Variants in ALK observed in about 807,000 individuals in gnomAD.
The protein encoded by ALK is ALK tyrosine kinase receptor.
A neutral mutation model predicts 163.1 loss-of-function variants in ALK; 74 were observed. The ratio of observed to expected loss-of-function variants is 0.45; its 90% CI spans 0.38 to 0.55. The LOEUF is 0.55. Ranked by LOEUF, ALK falls within the 20% of genes least tolerant of loss-of-function variation. ALK has a pLI of 0.00. For synonymous variants in ALK, 960 were observed against 843.2 expected (o/e 1.14, Z -2.40); for missense variants, 2,063 against 2,105.3 (o/e 0.98, Z 0.39).
chr2:29,920,222 G>C lies in ALK; in HGVS notation c.438C>G (p.Gly146=). The C allele has an allele frequency of 1.2e-6, 2 of 1,612,366 alleles. No homozygotes were observed. Among genetic ancestry groups the C allele is most frequent in the Non-Finnish European group, 1.7e-6 (2 of 1,179,678 alleles). ...RRAKQLVLEL[G]EEAILEGCVG... ...CGCAACCCTCCAAGATCGCCTCCTC[G>C]CCCAGCTCCAGCACCAACTGCTTGG... Residue 146 remains glycine (G), a synonymous_variant, in exon 1 of 29, where the codon GGC becomes GGG. Coordinates refer to ENST00000389048, the MANE Select transcript of ALK (RefSeq NM_004304.5).
In ALK at chr2:29,732,717, A is replaced by G. The variant is rs1358897041; in HGVS notation, c.668-15020T>C. Among the ~76,000 whole-genome samples, 4 of 152,256 alleles carry G rather than the reference A, an allele frequency of 2.6e-5. No homozygotes were observed. In the East Asian group the frequency reaches 7.7e-4, roughly 29 times the overall value. On this transcript the variant is annotated intron_variant, in intron 1 of 28. Transcript: ENST00000389048. The stretch of plus-strand genomic sequence containing the variant: ...AATGGGATTAGTGCCCACAGAAAAG[A>G]GGCCCAAAAGAGAACCCTCACCCCT...
At chr2:29,545,934 G>T (rs954339093) in intron 3 of ALK, among the ~76,000 whole-genome samples, 1 of 152,110 alleles carries the variant, frequency 6.6e-6, no homozygotes, top group Non-Finnish European at 1.5e-5. Context: ...AAACTGAAAA[G>T]GCAAAACAAC....
chr2:29,772,538 T>G (rs1681055505), intron 1 of ALK, among the ~76,000 whole-genome samples: 1 of 152,184 alleles, frequency 6.6e-6, no homozygotes, highest in African/African-American at 2.4e-5. Context: ...CCTCCCACAC[T>G]TCCTCACCAT....
chr2:29,805,121 A>G (rs765839355), intron 1 of ALK, among the ~76,000 whole-genome samples: 16 of 152,108 alleles, frequency 1.1e-4, no homozygotes, highest in Non-Finnish European at 1.9e-4. Flanking sequence ...CCCACTGTGA[A>G]ACAACTCATC....
At chr2:29,829,342 G>A (rs182365934) in intron 1 of ALK, among the ~76,000 whole-genome samples, 2 of 151,388 alleles carry the variant, frequency 1.3e-5, no homozygotes, top group African/African-American at 4.8e-5. Flanking sequence ...AGATGAAGAT[G>A]GTTAAACTGA....
At chr2:29,575,033 G>A (rs1349864274) in intron 3 of ALK, among the ~76,000 whole-genome samples, 2 of 152,174 alleles carry the variant, frequency 1.3e-5, no homozygotes, top group Non-Finnish European at 2.9e-5. Context: ...GTTTCCTCCT[G>A]CAAGTCCCTG....
chr2:29,218,941 C>CTTGA (rs1669711549), intron 23 of ALK, among the ~76,000 whole-genome samples: 1 of 152,076 alleles, frequency 6.6e-6, no homozygotes, highest in South Asian at 2.1e-4. Context: ...ACAACCTCAT[C>CTTGA]TTGATAGTTT....
chr2:29,858,156 C>G (rs758050426), intron 1 of ALK, among the ~76,000 whole-genome samples: 1 of 152,134 alleles, frequency 6.6e-6, no homozygotes, highest in Non-Finnish European at 1.5e-5. Context: ...GGATTCAGAA[C>G]AGTTCCGTCA....
At chr2:29,414,751 G>A (rs1235416356) in intron 4 of ALK, among the ~76,000 whole-genome samples, 1 of 152,192 alleles carries the variant, frequency 6.6e-6, no homozygotes, top group East Asian at 1.9e-4. Context: ...GACAGTTCCT[G>A]CATGCAAACG....
At chr2:29,533,188 G>A (rs1003327825) in intron 3 of ALK, among the ~76,000 whole-genome samples, 6 of 152,200 alleles carry the variant, frequency 3.9e-5, no homozygotes, top group Admixed American at 3.9e-4. Flanking sequence ...GATCGAGAAC[G>A]TGAACCCTCT....
chr2:29,197,757 AC>A, intron 26 of ALK, 81 bp from the exon 27 acceptor site: 1 of 1,222,768 alleles, frequency 8.2e-7, no homozygotes, highest in African/African-American at 1.5e-5. Flanking sequence ...ACACAGACAT[AC>A]AATTTCAACC....
At chr2:29,799,559 C>T (rs1380850761) in intron 1 of ALK, among the ~76,000 whole-genome samples, 2 of 152,038 alleles carry the variant, frequency 1.3e-5, no homozygotes, top group African/African-American at 4.8e-5. Context: ...GTGGCACACA[C>T]CTATAGTCCT....
At chr2:29,900,952 A>G (rs1667397469) in intron 1 of ALK, among the ~76,000 whole-genome samples, 1 of 151,908 alleles carries the variant, frequency 6.6e-6, no homozygotes, top group South Asian at 2.1e-4. Flanking sequence ...CCAGAAAATC[A>G]CAGCTGAATG....
At chr2:29,341,413 T>A (rs937507311) in intron 5 of ALK, among the ~76,000 whole-genome samples, 1 of 152,186 alleles carries the variant, frequency 6.6e-6, no homozygotes, top group South Asian at 2.1e-4. Context: ...AGGAGAGTGA[T>A]GGCTGATTCA....
At chr2:29,797,671 T>G (rs548057220) in intron 1 of ALK, among the ~76,000 whole-genome samples, 1 of 152,230 alleles carries the variant, frequency 6.6e-6, no homozygotes, top group Non-Finnish European at 1.5e-5. Context: ...GAACTGATAT[T>G]CTGACTAGTT....
intron 3 of ALK, among the ~76,000 whole-genome samples, chr2:29,571,602 C>CTTTTTTTTTTTTTTTATTTTTTTTTT (rs1674371738): frequency 1.5e-5 from 1 of 68,516 alleles, no homozygotes; most frequent in African/African-American, 7.3e-5. Context: ...TGGCTCATAT[C>CTTTTTTTTTTTTTTTATTTTTTTTTT]TTTTTTTTTT....
At chr2:29,905,891 C>A (rs747736666) in intron 1 of ALK, among the ~76,000 whole-genome samples, 10 of 152,174 alleles carry the variant, frequency 6.6e-5, no homozygotes, top group Non-Finnish European at 7.3e-5. Flanking sequence ...CGCTGTCTGG[C>A]CCCACTCCTG....
intron 1 of ALK, among the ~76,000 whole-genome samples, chr2:29,772,150 G>T (rs560728483): frequency 6.6e-6 from 1 of 152,312 alleles, no homozygotes; most frequent in Admixed American, 6.5e-5. Flanking sequence ...AGATTGGTGG[G>T]ATGGCAGAGG....
rs767646449 is a variant in ALK, at chr2:29,209,935, C to T, written c.3744-57G>A. 109 of 1,376,508 alleles carry T rather than the reference C, an allele frequency of 7.9e-5. 1 individual carries two copies. The highest frequency in any genetic ancestry group is 3.5e-4 in the South Asian group (30 of 85,582). The allele number at this position is 1,376,508 out of a possible 1,614,324, so 85.3% of individuals were successfully genotyped here. On this transcript the variant is annotated intron_variant, in intron 24 of 28. Coordinates refer to ENST00000389048, the MANE Select transcript of ALK (RefSeq NM_004304.5). ...TATCCCTAGGAAGATGAGTGTACAA[C>T]GGCCATCACTAGGATTTTATCTCCA...
Sources: allele counts gnomAD v4.1 joint callset (sites outside exome capture counted in the v4.1 genomes callset), GRCh38; gene constraint gnomAD v4.1.1; transcripts MANE v1.5; gene names NCBI Gene and HGNC (gene_info 2026-07-23, HGNC 2026-07-21).